The following SRGAP2B variants were observed in gnomAD, a reference collection of about 807,000 sequenced individuals.
SRGAP2B encodes the protein SLIT-ROBO Rho GTPase-activating protein 2B.
In SRGAP2B, 9 loss-of-function variants were observed where a neutral mutation model predicts 22.2. The observed-to-expected ratio is 0.41, with a 90% CI of 0.24 to 0.71. SRGAP2B has a LOEUF of 0.71. SRGAP2B is among the 30% of genes least tolerant of loss of function. SRGAP2B has a pLI of 0.35. For missense variants in SRGAP2B, 114 were observed against 235.8 expected (o/e 0.48, Z 3.38); for synonymous variants, 36 against 87.4 (o/e 0.41, Z 3.28).
intron 3 of SRGAP2B, among the ~76,000 whole-genome samples, chr1:144,958,874 C>A (rs1553610835): frequency 6.7e-6 from 1 of 149,010 alleles, no homozygotes; most frequent in Non-Finnish European, 1.5e-5. Context: ...AAATGAGCAA[C>A]CCTCACTGAC....
rs1663138076 is a variant in SRGAP2B at position 144,908,350 on chromosome 1, A to G, written c.487-2276T>C. 4.7e-5 allele frequency among the ~76,000 whole-genome samples: 7 copies of G among 149,972 alleles called. No individual in the cohort carries two copies. In the South Asian group the frequency reaches 1.5e-3, roughly 31 times the overall value. On this transcript the variant is annotated intron_variant, in intron 5 of 9. Coordinates refer to ENST00000612199, the Ensembl canonical transcript of SRGAP2B. ...GAAGTAACAAAAATCAACAATTTAC[A>G]ATGTTACTTTCCCCTAAAAAACTTA...
At chr1:144,913,220 G>T (rs1663543595) in intron 5 of SRGAP2B, among the ~76,000 whole-genome samples, 2 of 136,142 alleles carry the variant, frequency 1.5e-5, no homozygotes, top group Non-Finnish European at 3.1e-5. Context: ...AGGTTTGTTG[G>T]TTATCCAAAC....
intron 2 of SRGAP2B, among the ~76,000 whole-genome samples, chr1:145,031,952 A>G (rs1444046792): frequency 3.6e-4 from 53 of 148,914 alleles, no homozygotes; most frequent in Non-Finnish European, 1.3e-4. Flanking sequence ...GTTTGTCCCA[A>G]TGTCACTCTC....
At chr1:144,927,059 C>T (rs1273867211) in intron 4 of SRGAP2B, among the ~76,000 whole-genome samples, 1 of 150,856 alleles carries the variant, frequency 6.6e-6, no homozygotes, top group Non-Finnish European at 1.5e-5. Context: ...ACGCCATTCT[C>T]CTGCCTCAGC....
chr1:144,907,675 G>A (rs1663092051), intron 5 of SRGAP2B, among the ~76,000 whole-genome samples: 1 of 149,898 alleles, frequency 6.7e-6, no homozygotes, highest in Non-Finnish European at 1.5e-5. Flanking sequence ...TAGAGGTCAG[G>A]GATGCTGCTG....
At chr1:144,971,763 G>A (rs1668543586) in intron 3 of SRGAP2B, among the ~76,000 whole-genome samples, 1 of 150,778 alleles carries the variant, frequency 6.6e-6, no homozygotes, top group Admixed American at 6.6e-5. Flanking sequence ...GAGCTAGAAG[G>A]GACTTTCAAG....
At chr1:145,068,221 A>AC (rs1332509796) in intron 2 of SRGAP2B, among the ~76,000 whole-genome samples, 3 of 146,234 alleles carry the variant, frequency 2.1e-5, no homozygotes, top group African/African-American at 7.9e-5. Flanking sequence ...AAAAAAAAAA[A>AC]AAAAAACAAA....
rs1283374076 is a variant in SRGAP2B, at chr1:144,984,307, C to T, written c.260+10701G>A. Among the ~76,000 whole-genome samples the T allele has an allele frequency of 9.1e-5, 13 of 142,240 alleles. No homozygotes were observed. In the East Asian group the frequency reaches 1.2e-3, roughly 13 times the overall value. The allele number at this position is 142,240 out of a possible 152,430, so 93.3% of individuals were successfully genotyped here. A position where few individuals can be genotyped will look rare whatever the true frequency, so the allele number is the denominator to read the frequency against. ...TGCACTCCAGCCTGGGCAACAAGAG[C>T]GAAACTCCATCTAAAAAAAAACCCA... On this transcript the variant is annotated intron_variant, in intron 3 of 9. Coordinates refer to ENST00000612199, the Ensembl canonical transcript of SRGAP2B.
chr1:145,006,287 G>A (rs1671585169), intron 2 of SRGAP2B, among the ~76,000 whole-genome samples: 2 of 150,886 alleles, frequency 1.3e-5, no homozygotes, highest in African/African-American at 5.0e-5. Context: ...CCAGTGGACT[G>A]TTCAGAGATG....
chr1:145,007,074 A>AAT (rs1671651041), intron 2 of SRGAP2B, among the ~76,000 whole-genome samples: 1 of 149,888 alleles, frequency 6.7e-6, no homozygotes, highest in South Asian at 2.1e-4. Flanking sequence ...AGAGATGGAG[A>AAT]ATATAAAGTG....
rs1388785695 is a variant in SRGAP2B, at chr1:145,031,825, C to T, written c.68-36625G>A. On this transcript the variant is annotated intron_variant, in intron 2 of 9. Transcript: ENST00000612199. Reference sequence around the variant, plus strand: ...TTGCGCCACTGCACTCCAGCCTGGGCGACAGAGCAAGACTCCGTCTCAAAA... The same window carrying T: ...TTGCGCCACTGCACTCCAGCCTGGGTGACAGAGCAAGACTCCGTCTCAAAA... 6.1e-5 allele frequency among the ~76,000 whole-genome samples: 8 copies of T among 130,848 alleles called. No homozygotes were observed. The South Asian group carries it at 7.2e-4, about 12-fold the overall frequency. 85.8% of individuals were successfully genotyped at this position (130,848 alleles called of 152,430 possible).
intron 3 of SRGAP2B, among the ~76,000 whole-genome samples, chr1:144,967,548 C>T (rs1553612508): frequency 1.4e-5 from 2 of 148,104 alleles, no homozygotes; most frequent in African/African-American, 5.2e-5. Context: ...AGGAAAGATC[C>T]AAAATTGACA....
At chr1:145,093,984 C>T (rs1289889901) in intron 1 of SRGAP2B, among the ~76,000 whole-genome samples, 1 of 148,824 alleles carries the variant, frequency 6.7e-6, no homozygotes, top group African/African-American at 2.6e-5. Flanking sequence ...CAGGAAAAAG[C>T]CTGCTCGGCA....
intron 2 of SRGAP2B, among the ~76,000 whole-genome samples, chr1:145,040,890 TG>T (rs1649152188): frequency 6.8e-6 from 1 of 147,914 alleles, no homozygotes; most frequent in African/African-American, 2.5e-5. Context: ...GGACCACTCT[TG>T]CCTAGGTCTT....
chr1:144,925,049 C>A lies in SRGAP2B; in HGVS notation c.424-10295G>T, dbSNP rs1664559586. ...GACAGAGTCTCACTCTATCACCAGG[C>A]TGGAGTGCAGTGGCGCCATCTCGGC... is the stretch of plus-strand genomic sequence containing the variant. On this transcript the variant is annotated intron_variant, in intron 4 of 9. Coordinates refer to ENST00000612199, the Ensembl canonical transcript of SRGAP2B. Among the ~76,000 whole-genome samples, 3 of 148,308 alleles carry A rather than the reference C, an allele frequency of 2.0e-5. No individual in the cohort carries two copies. The South Asian group carries it at 6.3e-4, about 31-fold the overall frequency.
At position 145,044,691 on chromosome 1, in the gene SRGAP2B, A is replaced by C. The variant is rs1183120238; in HGVS notation, c.67+48144T>G. 2.7e-3 allele frequency among the ~76,000 whole-genome samples: 367 copies of C among 134,986 alleles called. 2 individuals carry two copies. The highest frequency in any genetic ancestry group is 9.8e-3 in the African/African-American group (342 of 34,778). 88.6% of individuals were successfully genotyped at this position (134,986 alleles called of 152,430 possible). A position where few individuals can be genotyped will look rare whatever the true frequency, so the allele number is the denominator to read the frequency against. On this transcript the variant is annotated intron_variant, in intron 2 of 9. Transcript: ENST00000612199. ...AAAAAAAAAAAAAAAAAAAAAAAAA[A>C]AAAAAAAAACAGAAAAAGCAAGACA...
intron 3 of SRGAP2B, among the ~76,000 whole-genome samples, chr1:144,957,954 G>A (rs2101947034): frequency 6.7e-6 from 1 of 149,846 alleles, no homozygotes; most frequent in Admixed American, 6.6e-5. Flanking sequence ...GATCTATACT[G>A]GTTCTTTCCC....
chr1:144,909,150 G>A, intron 5 of SRGAP2B, among the ~76,000 whole-genome samples: 1 of 150,438 alleles, frequency 6.6e-6, no homozygotes, highest in Non-Finnish European at 1.5e-5. Flanking sequence ...AAGCGGGTAG[G>A]CAAGCAGTAA....
chr1:145,068,222 A>C lies in SRGAP2B; in HGVS notation c.67+24613T>G, dbSNP rs1410154537. 1.6e-4 allele frequency among the ~76,000 whole-genome samples: 24 copies of C among 146,596 alleles called. 1 individual carries two copies. The highest frequency in any genetic ancestry group is 4.7e-4 in the African/African-American group (18 of 38,258). On this transcript the variant is annotated intron_variant, in intron 2 of 9. Transcript: ENST00000612199. ...CGTCTCAAAAAAAAAAAAAAAAAAA[A>C]AAAAACAAATACAGCTCCATGAAAG...
Sources: allele counts gnomAD v4.1 joint callset (sites outside exome capture counted in the v4.1 genomes callset), GRCh38; gene constraint gnomAD v4.1.1; transcripts MANE v1.5; gene names NCBI Gene and HGNC (gene_info 2026-07-23, HGNC 2026-07-21).